The following EML5 variants were observed in gnomAD, a reference collection of about 807,000 sequenced individuals.
EML5 encodes EMAP like 5, also known as echinoderm microtubule-associated protein-like 5.
EML5 carries 120 observed loss-of-function variants against 250.0 expected under a neutral mutation model. The observed-to-expected ratio is 0.48, with a 90% CI of 0.41 to 0.56. EML5 has a LOEUF of 0.56. EML5 is among the 20% of genes least tolerant of loss of function. The pLI, the probability that EML5 is intolerant of heterozygous loss-of-function variation, is 0.00. For missense variants in EML5, 2,006 were observed against 2,437.6 expected, an observed-to-expected ratio of 0.82 and a Z score of 3.73; for synonymous variants, 771 against 806.5, an observed-to-expected ratio of 0.96 and a Z score of 0.75.
intron 8 of EML5, 82 bp from the exon 9 acceptor site, chr14:88,715,277 G>A (rs927382589): frequency 2.2e-5 from 29 of 1,331,102 alleles, no homozygotes; most frequent in African/African-American, 1.3e-4. Flanking sequence ...TAAAATGACC[G>A]TGAAGCTGTA....
At chr14:88,697,094 A>G (rs1412591997) in intron 14 of EML5, 142 bp from the exon 15 acceptor site, 11 of 546,352 alleles carry the variant, frequency 2.0e-5, no homozygotes, top group African/African-American at 5.8e-5. Context: ...AGCAAACTAT[A>G]TAAGTGACTG....
At chr14:88,695,324 A>T in intron 16 of EML5, 37 bp downstream of exon 16, 2 of 1,532,446 alleles carry the variant, frequency 1.3e-6, no homozygotes, top group African/African-American at 1.4e-5. Flanking sequence ...AAGTAATTCT[A>T]GTATTTTGCA....
At chr14:88,700,164 T>C (rs760962151) in intron 14 of EML5, among the ~76,000 whole-genome samples, 9 of 152,224 alleles carry the variant, frequency 5.9e-5, no homozygotes, top group Non-Finnish European at 1.3e-4. Context: ...CAATTAGTCA[T>C]GTTATTCGAC....
chr14:88,731,448 T>C (rs992079106), intron 7 of EML5, among the ~76,000 whole-genome samples: 4 of 152,310 alleles, frequency 2.6e-5, no homozygotes, highest in Non-Finnish European at 4.4e-5. Context: ...TGTGCCACAT[T>C]TGCTTAATCC....
At chr14:88,788,226 T>G (rs570544463) in intron 1 of EML5, among the ~76,000 whole-genome samples, 24 of 152,302 alleles carry the variant, frequency 1.6e-4, no homozygotes, top group African/African-American at 5.3e-4. Context: ...CTGAATCGCT[T>G]TTCCAATTAC....
At chr14:88,778,131 T>C (rs1379296304) in intron 1 of EML5, among the ~76,000 whole-genome samples, 6 of 151,808 alleles carry the variant, frequency 4.0e-5, no homozygotes, top group Middle Eastern at 3.4e-3. Context: ...CCAAAAGACA[T>C]AAAATGGATA....
intron 16 of EML5, 44 bp from the exon 17 acceptor site, chr14:88,694,451 T>C: frequency 7.5e-7 from 1 of 1,327,700 alleles, no homozygotes; most frequent in Non-Finnish European, 1.0e-6. Context: ...GATTCATCAT[T>C]CCTGTATTAA....
At chr14:88,665,145 T>C (rs1036157031) in intron 22 of EML5, among the ~76,000 whole-genome samples, 192 bp downstream of exon 22, 1 of 152,148 alleles carries the variant, frequency 6.6e-6, no homozygotes, top group Non-Finnish European at 1.5e-5. Context: ...GAAAATTTAG[T>C]AACAGAATTG....
At chr14:88,696,717 T>G in intron 15 of EML5, 130 bp downstream of exon 15, 1 of 543,822 alleles carries the variant, frequency 1.8e-6, no homozygotes, top group South Asian at 3.4e-5. Context: ...AGGATAACAG[T>G]ATACACATTT....
intron 8 of EML5, among the ~76,000 whole-genome samples, chr14:88,723,242 G>A (rs115534255): frequency 0.019 from 2,843 of 152,164 alleles, 102 homozygotes; most frequent in African/African-American, 0.065. Context: ...GTGAGGCCCA[G>A]GCTCTACAAA....
intron 17 of EML5, 100 bp from the exon 18 acceptor site, chr14:88,688,573 G>GT: frequency 4.2e-6 from 5 of 1,197,544 alleles, no homozygotes; most frequent in Non-Finnish European, 6.0e-6. Flanking sequence ...TGTTTGAATA[G>GT]TAAGGCATGC....
At chr14:88,678,799 CT>C (rs897294187) in intron 21 of EML5, among the ~76,000 whole-genome samples, 1 of 152,132 alleles carries the variant, frequency 6.6e-6, no homozygotes, top group African/African-American at 2.4e-5. Flanking sequence ...AGCTTGAAGA[CT>C]TTTTGAACAC....
intron 14 of EML5, among the ~76,000 whole-genome samples, chr14:88,699,973 T>TACAC (rs1256454543): frequency 8.6e-5 from 13 of 152,038 alleles, no homozygotes; most frequent in Middle Eastern, 6.3e-3. Context: ...CACACATATA[T>TACAC]ACACACACAC....
intron 8 of EML5, among the ~76,000 whole-genome samples, chr14:88,720,628 C>A (rs2093575141): frequency 6.6e-6 from 1 of 152,112 alleles, no homozygotes; most frequent in African/African-American, 2.4e-5. Context: ...GAACATCCCC[C>A]AAAATAATAA....
At chr14:88,635,869 A>C (rs2090695116) in intron 32 of EML5, among the ~76,000 whole-genome samples, 1 of 152,124 alleles carries the variant, frequency 6.6e-6, no homozygotes, top group Non-Finnish European at 1.5e-5. Flanking sequence ...GGAGAAAGAT[A>C]ATCTTTTTTC....
In EML5 at chr14:88,664,605, A is replaced by G. The variant is rs1229302201; in HGVS notation, c.3297T>C (p.Ala1099=). The G allele has an allele frequency of 2.5e-6, 4 of 1,605,466 alleles. No homozygotes were observed. The African/African-American group carries it at 4.0e-5, about 16-fold the overall frequency. The change falls in exon 23 of 44, where the codon GCT becomes GCC. Residue 1099 remains alanine (A), a synonymous_variant. Transcript: ENST00000554922. Reference sequence around the variant, plus strand: ...CTATAAAGCTGTCATGGGATGCTACAGCAAGATATTTCCCAGAACCTATAA... The same window carrying G: ...CTATAAAGCTGTCATGGGATGCTACGGCAAGATATTTCCCAGAACCTATAA... The part of the protein sequence containing the change: ...RFSPGSGKYL[A]VASHDSFIDI...
chr14:88,697,964 C>T (rs1282438673), intron 14 of EML5, among the ~76,000 whole-genome samples: 2 of 151,844 alleles, frequency 1.3e-5, no homozygotes, highest in African/African-American at 2.4e-5. Flanking sequence ...CTCAAACTCC[C>T]GACCTCAGGT....
At position 88,739,135 on chromosome 14, in the gene EML5, T is replaced by C. The variant is rs143050513; in HGVS notation, c.712-121A>G. The C allele has an allele frequency of 6.5e-6, 6 of 917,408 alleles. No homozygotes were observed. The African/African-American group carries it at 1.0e-4, about 15-fold the overall frequency. The allele number at this position is 917,408 out of a possible 1,614,324, so 56.8% of individuals were successfully genotyped here. Reference sequence around the variant, plus strand: ...TTGGTAGGATATAAGAATAAACAAATACATCAGAAAACACAAAAGAAAATC... The same window carrying C: ...TTGGTAGGATATAAGAATAAACAAACACATCAGAAAACACAAAAGAAAATC... On this transcript the variant is annotated intron_variant, in intron 5 of 43. Transcript: ENST00000554922.
In EML5 at chr14:88,792,567, C is replaced by G. The variant is rs1034866761; in HGVS notation, c.-64G>C. The G allele has an allele frequency of 1.5e-5, 18 of 1,212,836 alleles. No homozygotes were observed. The highest frequency in any genetic ancestry group is 3.4e-4 in the Middle Eastern group (1 of 2,974). The allele number at this position is 1,212,836 out of a possible 1,614,324, so 75.1% of individuals were successfully genotyped here. The stretch of plus-strand genomic sequence containing the variant: ...GCGGCGACGGGAGGCGGCGGCGGCC[C>G]GGCAACGAAAGCCCTCCCGCTGGCT... On this transcript the variant is annotated 5_prime_UTR_variant, in exon 1 of 44. Coordinates refer to ENST00000554922, the MANE Select transcript of EML5 (RefSeq NM_183387.3). The surrounding 1 kb of genome is among the most constrained non-coding windows in gnomAD (Gnocchi z 6.9).
Sources: allele counts gnomAD v4.1 joint callset (sites outside exome capture counted in the v4.1 genomes callset), GRCh38; gene constraint gnomAD v4.1.1; non-coding constraint Gnocchi (gnomAD v3.1); transcripts MANE v1.5; gene names NCBI Gene and HGNC (gene_info 2026-07-23, HGNC 2026-07-21).